The following APOO variants were observed in gnomAD, a reference collection of about 807,000 sequenced individuals.
The protein encoded by APOO is MICOS complex subunit MIC26.
In APOO, 11 loss-of-function variants were observed where a neutral mutation model predicts 23.1. The ratio of observed to expected loss-of-function variants is 0.48; its 90% CI spans 0.30 to 0.79. The LOEUF (loss-of-function observed/expected upper bound fraction) is 0.79. APOO is among the 30% of genes least tolerant of loss of function. The probability of loss-of-function intolerance (pLI) is 0.07; values close to 1 mark genes in which losing one functional copy is unlikely to be tolerated. For missense variants in APOO, 160 were observed against 142.7 expected (o/e 1.12, Z -0.62); for synonymous variants, 59 against 54.8 (o/e 1.08, Z -0.34).
chrX:23,900,535 C>A (rs943830516), intron 1 of APOO, among the ~76,000 whole-genome samples: 3 of 109,773 alleles, frequency 2.7e-5, no homozygotes, highest in Non-Finnish European at 5.7e-5. Flanking sequence ...CTAGGCCAGG[C>A]GTGCTGGTGC....
intron 7 of APOO, among the ~76,000 whole-genome samples, chrX:23,843,641 G>GGC (rs1924105681): frequency 1.1e-5 from 1 of 93,868 alleles, no homozygotes; most frequent in Non-Finnish European, 2.0e-5. Flanking sequence ...CTGGAGTGCA[G>GGC]TGGCGCAATC....
intron 1 of APOO, among the ~76,000 whole-genome samples, chrX:23,900,394 C>T (rs758454658): frequency 1.8e-5 from 2 of 111,516 alleles, no homozygotes; most frequent in African/African-American, 6.5e-5. Flanking sequence ...TCTCAACTGG[C>T]CCGGCATGGT....
chrX:23,866,724 G>T (rs984896662), intron 5 of APOO, among the ~76,000 whole-genome samples: 2 of 110,718 alleles, frequency 1.8e-5, no homozygotes, highest in African/African-American at 6.6e-5. Flanking sequence ...AGGAGGTCCA[G>T]GCTGCAATGA....
At chrX:23,859,987 C>G (rs775679004) in intron 5 of APOO, among the ~76,000 whole-genome samples, 8 of 111,077 alleles carry the variant, frequency 7.2e-5, no homozygotes, top group Non-Finnish European at 1.3e-4. Flanking sequence ...CTTTCTGCAA[C>G]CCCGTTAAAA....
At chrX:23,855,324 G>A (rs1393614785) in intron 7 of APOO, among the ~76,000 whole-genome samples, 1 of 110,596 alleles carries the variant, frequency 9.0e-6, no homozygotes, top group East Asian at 2.8e-4. Context: ...GCCAAAAAAT[G>A]AGTCTTAAGA....
chrX:23,877,611 G>C (rs898068112), intron 3 of APOO, among the ~76,000 whole-genome samples: 1 of 110,022 alleles, frequency 9.1e-6, no homozygotes, highest in Non-Finnish European at 1.9e-5. Context: ...CTGCCTCTAC[G>C]ATAAATACAA....
intron 8 of APOO, chrX:23,837,216 C>T (rs746353365): frequency 6.7e-6 from 6 of 895,758 alleles, no homozygotes; most frequent in Non-Finnish European, 9.4e-6. Flanking sequence ...TGAAGTCCCT[C>T]CGCAGGGTTC....
At chrX:23,837,704 G>A (rs1923761894) in intron 8 of APOO, among the ~76,000 whole-genome samples, 1 of 108,490 alleles carries the variant, frequency 9.2e-6, no homozygotes, top group Non-Finnish European at 1.9e-5. Flanking sequence ...CTGTTGCCCA[G>A]GTTGGAGTGC....
chrX:23,860,563 A>C (rs1163205137), intron 5 of APOO, among the ~76,000 whole-genome samples: 2 of 109,678 alleles, frequency 1.8e-5, no homozygotes, highest in African/African-American at 6.6e-5. Flanking sequence ...CCCAGGCTGG[A>C]GTGCAGTGGC....
At chrX:23,848,944 C>T (rs574748360) in intron 7 of APOO, among the ~76,000 whole-genome samples, 20 of 105,047 alleles carry the variant, frequency 1.9e-4, no homozygotes, top group Middle Eastern at 4.8e-3. Flanking sequence ...GCAAGCTCCG[C>T]CTCCTGGGTT....
rs1923506266 is a variant in APOO, at chrX:23,833,435, T to C, written c.*207A>G. On this transcript the variant is annotated 3_prime_UTR_variant, in exon 9 of 9. Transcript: ENST00000379226. The stretch of plus-strand genomic sequence containing the variant: ...AGTTCTAAGGCTTGTACATTATCTC[T>C]AGGTGAAGGGATTCCAGGTTAGTTT... The C allele has an allele frequency of 9.0e-6, 1 of 111,386 alleles. No homozygotes were observed. The highest frequency in any genetic ancestry group is 1.9e-5 in the Non-Finnish European group (1 of 53,057). The allele number at this position is 111,386 out of a possible 1,213,427, so 9.2% of individuals were successfully genotyped here.
intron 7 of APOO, among the ~76,000 whole-genome samples, chrX:23,843,357 G>A (rs959544314): frequency 9.0e-6 from 1 of 110,559 alleles, no homozygotes; most frequent in Non-Finnish European, 1.9e-5. Flanking sequence ...CCACCACCCT[G>A]TCACAAATCA....
At chrX:23,905,232 T>C (rs146632224) in intron 1 of APOO, among the ~76,000 whole-genome samples, 1,287 of 108,515 alleles carry the variant, frequency 0.012, 20 homozygotes, top group African/African-American at 0.041. Context: ...TTATTAAAAA[T>C]ACAAAAAAAT....
At chrX:23,895,632 T>C (rs1227142426) in intron 1 of APOO, among the ~76,000 whole-genome samples, 5 of 110,960 alleles carry the variant, frequency 4.5e-5, no homozygotes, top group Non-Finnish European at 7.5e-5. Flanking sequence ...GTTCCGCACA[T>C]GTATCCCAGG....
chrX:23,864,954 C>G (rs895930512), intron 5 of APOO, among the ~76,000 whole-genome samples: 8 of 110,688 alleles, frequency 7.2e-5, no homozygotes, highest in African/African-American at 2.6e-4. Context: ...TGGCAGCTCT[C>G]GGGCCTCCAG....
intron 7 of APOO, among the ~76,000 whole-genome samples, chrX:23,845,596 C>T: frequency 8.9e-6 from 1 of 112,633 alleles, no homozygotes; most frequent in South Asian, 3.6e-4. Flanking sequence ...TAGAATCATG[C>T]AGTAATTGTC....
chrX:23,891,838 T>C (rs1047838748), intron 1 of APOO, among the ~76,000 whole-genome samples: 7 of 109,285 alleles, frequency 6.4e-5, no homozygotes, highest in Non-Finnish European at 1.3e-4. Context: ...ACTATATGTA[T>C]ATATATACTT....
At chrX:23,835,455 G>T (rs1378501427) in intron 8 of APOO, among the ~76,000 whole-genome samples, 2 of 111,686 alleles carry the variant, frequency 1.8e-5, no homozygotes, top group African/African-American at 6.5e-5. Context: ...TAAACTACTA[G>T]CTTATTTTTT....
chrX:23,851,234 C>T (rs189390046), intron 7 of APOO, among the ~76,000 whole-genome samples: 1,310 of 109,276 alleles, frequency 0.012, 10 homozygotes, highest in Non-Finnish European at 0.018. Flanking sequence ...TGTTCTGTCG[C>T]GCAGGCTGGA....
Sources: allele counts gnomAD v4.1 joint callset (sites outside exome capture counted in the v4.1 genomes callset), GRCh38; gene constraint gnomAD v4.1.1; transcripts MANE v1.5; gene names NCBI Gene and HGNC (gene_info 2026-07-23, HGNC 2026-07-21).